Variants in INSR observed in about 807,000 individuals in gnomAD.
The protein encoded by INSR is insulin receptor.
INSR carries 67 observed loss-of-function variants against 142.6 expected under a neutral mutation model. The observed-to-expected ratio is 0.47, with a 90% CI of 0.39 to 0.58. The LOEUF is 0.58. INSR is among the 20% of genes least tolerant of loss of function. The pLI is 0.00. For missense variants in INSR, 1,248 were observed against 1,833.2 expected (o/e 0.68, Z 5.83); for synonymous variants, 756 against 743.1 (o/e 1.02, Z -0.28).
intron 2 of INSR, among the ~76,000 whole-genome samples, chr19:7,233,668 C>CTGTTT (rs1976064505): frequency 1.4e-5 from 1 of 72,410 alleles, no homozygotes; most frequent in Non-Finnish European, 2.4e-5. Flanking sequence ...CTTTTTCTGT[C>CTGTTT]TTTTTTTTTT....
intron 2 of INSR, among the ~76,000 whole-genome samples, chr19:7,244,669 T>C (rs2145158362): frequency 6.6e-6 from 1 of 152,346 alleles, no homozygotes; most frequent in Non-Finnish European, 1.5e-5. Flanking sequence ...TAATCTATTC[T>C]CTAATCCTAA....
intron 2 of INSR, among the ~76,000 whole-genome samples, chr19:7,238,981 A>AAAAAG (rs1976253979): frequency 3.3e-5 from 5 of 151,656 alleles, no homozygotes; most frequent in African/African-American, 7.3e-5. Context: ...AAAAAAAAAA[A>AAAAAG]AAAAAGGTTA....
chr19:7,262,887 C>A (rs1977107116), intron 2 of INSR, among the ~76,000 whole-genome samples: 1 of 152,102 alleles, frequency 6.6e-6, no homozygotes, highest in Admixed American at 6.6e-5. Flanking sequence ...GACAGAGTTT[C>A]AGTTTGGGAG....
intron 2 of INSR, among the ~76,000 whole-genome samples, chr19:7,207,297 TC>T (rs1245232892): frequency 3.3e-5 from 5 of 151,828 alleles, no homozygotes; most frequent in Non-Finnish European, 5.9e-5. Flanking sequence ...GCACCTGTAA[TC>T]CCCAGCTGCT....
At chr19:7,217,555 CTTTTTTCT>C (rs1297560932) in intron 2 of INSR, among the ~76,000 whole-genome samples, 1 of 152,128 alleles carries the variant, frequency 6.6e-6, no homozygotes, top group African/African-American at 2.4e-5. Flanking sequence ...CGAGTGATAT[CTTTTTTCT>C]TTTTTTCTTT....
chr19:7,145,031 G>A (rs140553110), intron 11 of INSR, among the ~76,000 whole-genome samples: 171 of 151,798 alleles, frequency 1.1e-3, no homozygotes, highest in African/African-American at 3.9e-3. Context: ...CGTTATTTGC[G>A]GATCTTTATA....
chr19:7,276,777 CTGG>C (rs1397266965), intron 1 of INSR, among the ~76,000 whole-genome samples: 1 of 152,124 alleles, frequency 6.6e-6, no homozygotes, highest in African/African-American at 2.4e-5. Context: ...GTCTCCCAGG[CTGG>C]AGTGCAGTAG....
rs574800806 is a variant in INSR, at chr19:7,274,680, G to A, written c.101-6784C>T. Among the ~76,000 whole-genome samples, 8 of 151,542 alleles carry A rather than the reference G, an allele frequency of 5.3e-5. No homozygotes were observed. The South Asian group carries it at 1.7e-3, about 32-fold the overall frequency. On this transcript the variant is annotated intron_variant, in intron 1 of 21. Coordinates refer to ENST00000302850, the MANE Select transcript of INSR (RefSeq NM_000208.4). ...TAGCTGGGCATGGTGGCAGGTGCCT[G>A]TAGTCCCAGCTACACTCGGGAGGCT...
chr19:7,172,173 A>C (rs1974029396), intron 5 of INSR, 117 bp downstream of exon 5: 1 of 1,133,966 alleles, frequency 8.8e-7, no homozygotes, highest in Non-Finnish European at 1.3e-6. Flanking sequence ...TGGCCTCCTA[A>C]AATGCTGGGA....
At chr19:7,135,976 A>AAAAAAAAAAGAAAG (rs60435269) in intron 13 of INSR, among the ~76,000 whole-genome samples, 4 of 146,566 alleles carry the variant, frequency 2.7e-5, no homozygotes, top group Admixed American at 6.9e-5. Flanking sequence ...TCAAAAAAAA[A>AAAAAAAAAAGAAAG]AAAGAAAGAA....
intron 13 of INSR, among the ~76,000 whole-genome samples, chr19:7,140,321 T>C (rs1973038174): frequency 6.6e-6 from 1 of 152,208 alleles, no homozygotes; most frequent in African/African-American, 2.4e-5. Flanking sequence ...CTAAACCTGG[T>C]CCACCACGTG....
chr19:7,243,900 G>A (rs953226096), intron 2 of INSR, among the ~76,000 whole-genome samples: 4 of 152,132 alleles, frequency 2.6e-5, no homozygotes, highest in Non-Finnish European at 5.9e-5. Flanking sequence ...TAATACCATT[G>A]TTAAATATTT....
rs540253363 is a variant in INSR, at chr19:7,125,781, C to T, written c.3014-254G>A. Among the ~76,000 whole-genome samples, 4 of 152,292 alleles carry T rather than the reference C, an allele frequency of 2.6e-5. No individual in the cohort carries two copies. Among genetic ancestry groups the T allele is most frequent in the African/African-American group, 7.2e-5 (3 of 41,574 alleles). On this transcript the variant is annotated intron_variant, in intron 16 of 21. Coordinates refer to ENST00000302850, the MANE Select transcript of INSR (RefSeq NM_000208.4). This position sits in a 1 kb window ranked among gnomAD's most constrained non-coding sequence, Gnocchi z 4.9. ...CCTGGCCAATATGTCCTGAGGCAAA[C>T]CTGCATCCCCATCCTTCTTGTCTGA... is the stretch of plus-strand genomic sequence containing the variant.
In INSR at chr19:7,119,819, TACACAC is replaced by T. The variant is rs1217914331; in HGVS notation, c.3660-242_3660-237del. On this transcript the variant is annotated intron_variant, in intron 20 of 21. Coordinates refer to ENST00000302850, the MANE Select transcript of INSR (RefSeq NM_000208.4). The surrounding 1 kb of genome is among the most constrained non-coding windows in gnomAD (Gnocchi z 5.2). ...AAATATGCAAACACACAAACACATA[TACACAC>T]ACAAACACACACACCCAAACACACA... Among the ~76,000 whole-genome samples, 5 of 87,112 alleles carry T rather than the reference TACACAC, an allele frequency of 5.7e-5. No homozygotes were observed. The highest frequency in any genetic ancestry group is 1.3e-4 in the Non-Finnish European group (5 of 39,268). 57.1% of individuals were successfully genotyped at this position (87,112 alleles called of 152,430 possible). A position where few individuals can be genotyped will look rare whatever the true frequency, so the allele number is the denominator to read the frequency against.
Position 7,174,604 on chromosome 19 carries a change from T to C in INSR, c.1102A>G (p.Ile368Val). 14 of 1,614,020 alleles carry C rather than the reference T, an allele frequency of 8.7e-6. No individual in the cohort carries two copies. The highest frequency in any genetic ancestry group is 1.2e-5 in the Non-Finnish European group (14 of 1,179,990). Reference protein sequence around the residue: ...RGCTVINGSLIINIRGGNNLA... With the variant: ...RGCTVINGSLVINIRGGNNLA... ...TCACTGCCTCCTCGAATGTTGATGATCAGACTCCCGTTGATGACGGTGCAT... is the reference window on the plus strand; with the variant it reads ...TCACTGCCTCCTCGAATGTTGATGACCAGACTCCCGTTGATGACGGTGCAT... Residue 368 changes from isoleucine (I) to valine (V), a missense_variant, in exon 4 of 22, where the codon ATC (isoleucine) becomes GTC (valine). By Grantham distance (29) the Ile-to-Val change is conservative. Transcript: ENST00000302850.
At chr19:7,226,561 A>G (rs1975790424) in intron 2 of INSR, among the ~76,000 whole-genome samples, 1 of 151,972 alleles carries the variant, frequency 6.6e-6, no homozygotes, top group Non-Finnish European at 1.5e-5. Flanking sequence ...CCCCATCTCT[A>G]CAAAAAATAT....
intron 4 of INSR, among the ~76,000 whole-genome samples, chr19:7,173,643 G>T (rs1184880343): frequency 7.6e-5 from 8 of 105,866 alleles, no homozygotes; most frequent in Admixed American, 7.3e-4. Flanking sequence ...TTTTTGAGAT[G>T]GAGTCTCACT....
chr19:7,135,401 C>T (rs558570974), intron 13 of INSR, among the ~76,000 whole-genome samples: 11 of 144,606 alleles, frequency 7.6e-5, no homozygotes, highest in South Asian at 2.2e-4. Context: ...CTGCGACCTC[C>T]GCCTCCCGAG....
intron 2 of INSR, among the ~76,000 whole-genome samples, chr19:7,224,040 G>T (rs868719816): frequency 6.6e-6 from 1 of 151,802 alleles, no homozygotes; most frequent in African/African-American, 2.4e-5. Context: ...CTCCCTCTTG[G>T]GTTCAAGCCG....
Sources: allele counts gnomAD v4.1 joint callset (sites outside exome capture counted in the v4.1 genomes callset), GRCh38; gene constraint gnomAD v4.1.1; non-coding constraint Gnocchi (gnomAD v3.1); transcripts MANE v1.5; gene names NCBI Gene and HGNC (gene_info 2026-07-23, HGNC 2026-07-21).